RAD54L2: variants seen among roughly 807,000 people sequenced by gnomAD.
RAD54L2 encodes the protein RAD54 like 2, also known as helicase ARIP4.
In RAD54L2, 27 loss-of-function variants were observed where a neutral mutation model predicts 138.4. The ratio of observed to expected loss-of-function variants is 0.20; its 90% CI spans 0.14 to 0.27. The LOEUF (loss-of-function observed/expected upper bound fraction) is 0.27, where lower values mean the gene tolerates loss of function less well. Among genes scored for constraint, RAD54L2 ranks in the 10% least tolerant of loss-of-function variants. The pLI, the probability that RAD54L2 is intolerant of heterozygous loss-of-function variation, is 1.00. For missense variants in RAD54L2, 1,396 were observed against 1,890.2 expected (o/e 0.74, Z 4.85); for synonymous variants, 644 against 723.2 (o/e 0.89, Z 1.76).
intron 22 of RAD54L2, among the ~76,000 whole-genome samples, chr3:51,661,548 C>T (rs899340713): frequency 1.3e-5 from 2 of 152,206 alleles, no homozygotes. Context: ...ATATGTGTGG[C>T]ACATGAACAG....
At chr3:51,617,211 A>G (rs1042339467) in intron 3 of RAD54L2, among the ~76,000 whole-genome samples, 20 of 152,068 alleles carry the variant, frequency 1.3e-4, no homozygotes, top group African/African-American at 4.6e-4. Context: ...AAAATTATAG[A>G]TATGTTTTCG....
At chr3:51,635,866 C>T (rs1700972862) in intron 10 of RAD54L2, 77 bp downstream of exon 10, 1 of 1,390,306 alleles carries the variant, frequency 7.2e-7, no homozygotes, top group Non-Finnish European at 9.7e-7. Context: ...AGCACCTAGT[C>T]AGATGTAAAG....
In RAD54L2 at chr3:51,645,558, G is replaced by A. The variant is rs1701257934; in HGVS notation, c.2657-33G>A. On this transcript the variant is annotated intron_variant, in intron 17 of 22. Coordinates refer to ENST00000684192, the MANE Select transcript of RAD54L2 (RefSeq NM_015106.4). This position sits in a 1 kb window ranked among gnomAD's most constrained non-coding sequence, Gnocchi z 6.1. ...TGACCTTTACAGTTTTTAATGCCATGTGCTGACTTTCTTCATGTCTTTATC... is the reference window on the plus strand; with the variant it reads ...TGACCTTTACAGTTTTTAATGCCATATGCTGACTTTCTTCATGTCTTTATC... 8 of 1,571,208 alleles carry A rather than the reference G, an allele frequency of 5.1e-6. No homozygotes were observed. Among genetic ancestry groups the A allele is most frequent in the Non-Finnish European group, 6.9e-6 (8 of 1,157,266 alleles).
At chr3:51,590,699 T>C in intron 3 of RAD54L2, 140 bp downstream of exon 3, 1 of 1,119,782 alleles carries the variant, frequency 8.9e-7, no homozygotes, top group Non-Finnish European at 1.3e-6. Context: ...TGAGATGCAA[T>C]GAATTCAGAT....
chr3:51,645,850 G>A lies in RAD54L2; in HGVS notation c.2829+87G>A. The A allele has an allele frequency of 7.3e-7, 1 of 1,365,584 alleles. No homozygotes were observed. Among genetic ancestry groups the A allele is most frequent in the South Asian group, 1.5e-5 (1 of 66,586 alleles). The allele number at this position is 1,365,584 out of a possible 1,614,324, so 84.6% of individuals were successfully genotyped here. A position where few individuals can be genotyped will look rare whatever the true frequency, so the allele number is the denominator to read the frequency against. ...CTTGTAAGCTTTTTTCTTCATCTGA[G>A]GTGATGTTTCATGCAGGTGACTTGG... On this transcript the variant is annotated intron_variant, in intron 18 of 22. Coordinates refer to ENST00000684192, the MANE Select transcript of RAD54L2 (RefSeq NM_015106.4). This position sits in a 1 kb window ranked among gnomAD's most constrained non-coding sequence, Gnocchi z 6.1.
At chr3:51,571,142 C>T (rs1699329469) in intron 2 of RAD54L2, among the ~76,000 whole-genome samples, 1 of 152,148 alleles carries the variant, frequency 6.6e-6, no homozygotes, top group African/African-American at 2.4e-5. Context: ...AGGCTTTGAA[C>T]TAAATAAATT....
chr3:51,605,371 G>A (rs1027357216), intron 3 of RAD54L2, among the ~76,000 whole-genome samples: 14 of 151,222 alleles, frequency 9.3e-5, no homozygotes, highest in Non-Finnish European at 2.9e-5. Flanking sequence ...TTACAACTGT[G>A]AGCCACTGCA....
chr3:51,579,221 G>A (rs1022326652), intron 2 of RAD54L2, among the ~76,000 whole-genome samples: 5 of 149,858 alleles, frequency 3.3e-5, no homozygotes, highest in East Asian at 2.0e-4. Flanking sequence ...GCAGTGCAGC[G>A]GTGCAGTCTT....
At chr3:51,558,876 A>G (rs1699033529) in intron 2 of RAD54L2, among the ~76,000 whole-genome samples, 1 of 151,538 alleles carries the variant, frequency 6.6e-6, no homozygotes, top group African/African-American at 2.4e-5. Flanking sequence ...AGCATCAACA[A>G]ATAGCCTATT....
intron 3 of RAD54L2, among the ~76,000 whole-genome samples, chr3:51,599,580 T>C (rs1330537716): frequency 6.6e-6 from 1 of 151,960 alleles, no homozygotes; most frequent in Non-Finnish European, 1.5e-5. Flanking sequence ...GGACAGAGTC[T>C]CATGCTCTGT....
At chr3:51,563,656 A>G (rs751111328) in intron 2 of RAD54L2, among the ~76,000 whole-genome samples, 5 of 152,140 alleles carry the variant, frequency 3.3e-5, no homozygotes, top group Non-Finnish European at 5.9e-5. Context: ...ATACCGTAGC[A>G]TTTGCTTTAT....
Position 51,627,517 on chromosome 3 carries a change from C to G in RAD54L2, c.140-36C>G, listed in dbSNP as rs746026698. 3.3e-6 allele frequency: 5 copies of G among 1,536,294 alleles called. No homozygotes were observed. The South Asian group carries it at 6.0e-5, about 18-fold the overall frequency. On this transcript the variant is annotated intron_variant, in intron 3 of 22. Transcript: ENST00000684192. ...GTCATCCAGACTCATTCCCCCTCAC[C>G]CCTATAAAGCAATGTCTTTCCCCTT... is the stretch of plus-strand genomic sequence containing the variant.
Position 51,590,349 on chromosome 3 carries a change from C to G in RAD54L2, c.-54-18C>G. 1 of 1,428,724 alleles carries G rather than the reference C, an allele frequency of 7.0e-7. No homozygotes were observed. Among genetic ancestry groups the G allele is most frequent in the African/African-American group, 1.4e-5 (1 of 69,066 alleles). 88.5% of individuals were successfully genotyped at this position (1,428,724 alleles called of 1,614,324 possible). ...AGCAAAACCCTTGGTGATTCTGATG[C>G]CTTTCATCCTCTCCTAGCACCCCTG... On this transcript the variant is annotated intron_variant, in intron 2 of 22. Coordinates refer to ENST00000684192, the MANE Select transcript of RAD54L2 (RefSeq NM_015106.4).
At chr3:51,581,287 G>T (rs1251549116) in intron 2 of RAD54L2, among the ~76,000 whole-genome samples, 3 of 152,064 alleles carry the variant, frequency 2.0e-5, no homozygotes, top group African/African-American at 7.2e-5. Flanking sequence ...TAGTAGAAAC[G>T]GGGTTTCACT....
intron 15 of RAD54L2, 136 bp downstream of exon 15, chr3:51,642,003 A>G: frequency 1.5e-6 from 1 of 652,106 alleles, no homozygotes; most frequent in Non-Finnish European, 2.7e-6. Flanking sequence ...GCAGGGGGAT[A>G]CTAAGAGCCA....
intron 7 of RAD54L2, among the ~76,000 whole-genome samples, chr3:51,631,140 A>T (rs1199617399): frequency 6.6e-6 from 1 of 152,226 alleles, no homozygotes; most frequent in Non-Finnish European, 1.5e-5. Flanking sequence ...GAAAGGGAAG[A>T]GACAAGCTTC....
chr3:51,646,845 G>A lies in RAD54L2; in HGVS notation c.3026+364G>A, dbSNP rs896854452. ...CTTAGAAGTGGTGTTCAAGGATGAA[G>A]GCTCTGTTCCCTTGGATTACAGTCA... On this transcript the variant is annotated intron_variant, in intron 19 of 22. Coordinates refer to ENST00000684192, the MANE Select transcript of RAD54L2 (RefSeq NM_015106.4). Among the ~76,000 whole-genome samples the A allele has an allele frequency of 7.2e-5, 11 of 152,146 alleles. No homozygotes were observed. In the South Asian group the frequency reaches 2.1e-3, roughly 29 times the overall value.
At chr3:51,626,531 G>A (rs1475317645) in intron 3 of RAD54L2, among the ~76,000 whole-genome samples, 1 of 134,372 alleles carries the variant, frequency 7.4e-6, no homozygotes, top group Non-Finnish European at 1.5e-5. Context: ...TGCAACCTCC[G>A]CCTCCTGGGT....
chr3:51,638,291 C>A lies in RAD54L2; in HGVS notation c.1830C>A (p.Asn610Lys). The change falls in exon 12 of 23, where the codon AAC (asparagine) becomes AAA (lysine). Residue 610 changes from asparagine (N) to lysine (K), a missense_variant. Coordinates refer to ENST00000684192, the MANE Select transcript of RAD54L2 (RefSeq NM_015106.4). The surrounding 1 kb of genome is among the most constrained non-coding windows in gnomAD (Gnocchi z 4.3). Reference protein sequence around the residue: ...DCGSSGWLGLNPLKAFCVCCK... With the variant: ...DCGSSGWLGLKPLKAFCVCCK... ...GTAGCAGCGGTTGGCTGGGGCTGAA[C>A]CCCCTTAAGGCATTCTGTGTGTGTT... The A allele has an allele frequency of 6.2e-7, 1 of 1,613,920 alleles. No individual in the cohort carries two copies.
Sources: gnomAD v4.1 joint callset for allele counts (sites outside exome capture counted in the v4.1 genomes callset) on GRCh38, gnomAD v4.1.1 for gene constraint, Gnocchi (gnomAD v3.1) non-coding constraint, MANE v1.5 for transcripts, NCBI Gene and HGNC (gene_info 2026-07-23, HGNC 2026-07-21) for gene names.